The following SGCD variants were observed in gnomAD, a reference collection of about 807,000 sequenced individuals.
The protein encoded by SGCD is delta-sarcoglycan.
A neutral mutation model predicts 36.6 loss-of-function variants in SGCD; 18 were observed. The ratio of observed to expected loss-of-function variants is 0.49; its 90% CI spans 0.34 to 0.73. The LOEUF (loss-of-function observed/expected upper bound fraction) is 0.73, where lower values mean the gene tolerates loss of function less well. SGCD is among the 30% of genes least tolerant of loss of function. SGCD has a pLI of 0.01. For missense variants in SGCD, 387 were observed against 346.7 expected (o/e 1.12, Z -0.92); for synonymous variants, 133 against 130.6 (o/e 1.02, Z -0.12).
intron 1 of SGCD, among the ~76,000 whole-genome samples, chr5:156,107,031 A>C (rs376869852): frequency 2.6e-5 from 4 of 152,138 alleles, no homozygotes; most frequent in African/African-American, 7.2e-5. Context: ...TGTGTTACAG[A>C]GTCCTTGTCT....
At chr5:155,836,422 A>G in the SGCD span, among the ~76,000 whole-genome samples, 1 of 152,078 alleles carries the variant, frequency 6.6e-6, no homozygotes, top group Non-Finnish European at 1.5e-5. Flanking sequence ...CTTCAAGGAT[A>G]TAGGAAAGTT....
At chr5:156,445,519 C>T (rs1268050648) in intron 3 of SGCD, among the ~76,000 whole-genome samples, 1 of 152,030 alleles carries the variant, frequency 6.6e-6, no homozygotes, top group Non-Finnish European at 1.5e-5. Context: ...CTGTCACTGC[C>T]CTCAGTCCGG....
chr5:156,370,290 A>G (rs544372104), intron 3 of SGCD, among the ~76,000 whole-genome samples: 1 of 152,168 alleles, frequency 6.6e-6, no homozygotes, highest in South Asian at 2.1e-4. Flanking sequence ...GGGATTGAGG[A>G]CAGCTCTCCA....
intron 3 of SGCD, among the ~76,000 whole-genome samples, chr5:156,436,588 G>A (rs1028454581): frequency 2.6e-5 from 4 of 152,186 alleles, no homozygotes; most frequent in African/African-American, 7.2e-5. Flanking sequence ...CAGATGTAAA[G>A]AGGCTTGCCT....
chr5:156,148,215 G>A (rs547325971), intron 3 of SGCD, among the ~76,000 whole-genome samples: 1 of 152,216 alleles, frequency 6.6e-6, no homozygotes, highest in African/African-American at 2.4e-5. Context: ...CAAATAAAAA[G>A]TATAACAAAA....
rs560790056 is a variant in SGCD, at chr5:155,906,558, A to G, written c.-282+36134A>G. On this transcript the variant is annotated intron_variant, in intron 1 of 9. Transcript: ENST00000517913. ...AAGTGATAAGAAAGCAAAACCACCT[A>G]TTGCTGATAGGGAGAAAGTCTGAGT... 8.3e-4 allele frequency among the ~76,000 whole-genome samples: 127 copies of G among 152,282 alleles called. 1 individual carries two copies. The highest frequency in any genetic ancestry group is 2.7e-3 in the African/African-American group (112 of 41,584).
chr5:156,613,278 GA>G (rs1242217171), intron 6 of SGCD, among the ~76,000 whole-genome samples: 1 of 152,144 alleles, frequency 6.6e-6, no homozygotes, highest in Non-Finnish European at 1.5e-5. Context: ...AGTTTCAAAG[GA>G]CTCATCAAAT....
At chr5:155,835,716 C>T in the SGCD span, among the ~76,000 whole-genome samples, 10 of 152,098 alleles carry the variant, frequency 6.6e-5, no homozygotes, top group African/African-American at 1.9e-4. Context: ...TTTCAATTGC[C>T]CATCTCGCCT....
intron 1 of SGCD, among the ~76,000 whole-genome samples, chr5:155,915,024 G>A (rs1756707508): frequency 6.6e-6 from 1 of 152,120 alleles, no homozygotes; most frequent in Non-Finnish European, 1.5e-5. Context: ...ATAATATTGG[G>A]ACCTTTGAGC....
intron 3 of SGCD, among the ~76,000 whole-genome samples, chr5:156,275,220 A>T (rs1581211855): frequency 6.6e-6 from 1 of 152,152 alleles, no homozygotes; most frequent in South Asian, 2.1e-4. Flanking sequence ...GAAAGGCCTC[A>T]GACAGGATTC....
the SGCD span, among the ~76,000 whole-genome samples, chr5:155,733,171 G>T: frequency 2.2e-3 from 332 of 152,288 alleles, 3 homozygotes; most frequent in African/African-American, 7.5e-3. Flanking sequence ...AAAGTGTCAA[G>T]TTCAGTGTCC....
chr5:156,372,018 C>T (rs1770413647), intron 3 of SGCD, among the ~76,000 whole-genome samples: 1 of 152,138 alleles, frequency 6.6e-6, no homozygotes, highest in Admixed American at 6.6e-5. Flanking sequence ...CTGCATTTCC[C>T]TTAGTTCTCT....
At chr5:156,694,220 C>T (rs1288439088) in intron 7 of SGCD, among the ~76,000 whole-genome samples, 1 of 152,226 alleles carries the variant, frequency 6.6e-6, no homozygotes, top group Non-Finnish European at 1.5e-5. Flanking sequence ...CTCACCTTCT[C>T]ACCCAGGTCA....
At chr5:156,383,945 G>A (rs138550152) in intron 3 of SGCD, among the ~76,000 whole-genome samples, 3 of 152,272 alleles carry the variant, frequency 2.0e-5, no homozygotes, top group Non-Finnish European at 2.9e-5. Context: ...ATAAAGATAT[G>A]GGGGACTGAG....
intron 7 of SGCD, among the ~76,000 whole-genome samples, chr5:156,682,917 C>T (rs1485377143): frequency 6.6e-6 from 1 of 152,214 alleles, no homozygotes; most frequent in African/African-American, 2.4e-5. Flanking sequence ...CCAGCATTTC[C>T]CATTCCCGTG....
chr5:156,221,552 A>T (rs1348607238), intron 3 of SGCD, among the ~76,000 whole-genome samples: 1 of 151,892 alleles, frequency 6.6e-6, no homozygotes, highest in African/African-American at 2.4e-5. Flanking sequence ...GGAGAATCTA[A>T]TGAGATTTAA....
At chr5:156,700,797 G>A (rs1352092522) in intron 7 of SGCD, among the ~76,000 whole-genome samples, 2 of 151,948 alleles carry the variant, frequency 1.3e-5, no homozygotes, top group Non-Finnish European at 1.5e-5. Flanking sequence ...TAGAAAATTA[G>A]CCAGGTGTAG....
chr5:156,726,290 C>T (rs1755770005), intron 7 of SGCD, among the ~76,000 whole-genome samples: 1 of 152,152 alleles, frequency 6.6e-6, no homozygotes, highest in South Asian at 2.1e-4. Flanking sequence ...ATAGCACGGG[C>T]ATCTGGACAT....
the SGCD span, among the ~76,000 whole-genome samples, chr5:155,806,035 G>T: frequency 6.6e-6 from 1 of 152,244 alleles, no homozygotes; most frequent in Admixed American, 6.5e-5. Context: ...AAATGAATTA[G>T]GTCCTTCCAC....
Sources: allele counts gnomAD v4.1 joint callset (sites outside exome capture counted in the v4.1 genomes callset), GRCh38; gene constraint gnomAD v4.1.1; transcripts MANE v1.5; gene names NCBI Gene and HGNC (gene_info 2026-07-23, HGNC 2026-07-21).